Variants in CPD observed in about 807,000 individuals in gnomAD.
The protein encoded by CPD is metallocarboxypeptidase D.
A neutral mutation model predicts 138.3 loss-of-function variants in CPD; 69 were observed. That is an observed-to-expected ratio of 0.50 (90% confidence interval 0.41 to 0.61). The LOEUF (loss-of-function observed/expected upper bound fraction) is 0.61, where lower values mean the gene tolerates loss of function less well. CPD is among the 20% of genes least tolerant of loss of function. The pLI is 0.00. For missense variants in CPD, 1,432 were observed against 1,733.3 expected, an observed-to-expected ratio of 0.83 and a Z score of 3.09; for synonymous variants, 651 against 642.1, an observed-to-expected ratio of 1.01 and a Z score of -0.21.
intron 17 of CPD, among the ~76,000 whole-genome samples, chr17:30,458,714 C>T (rs901049555): frequency 2.0e-5 from 3 of 151,926 alleles, no homozygotes; most frequent in Non-Finnish European, 4.4e-5. Context: ...AAAATACAAA[C>T]ATTAGCCAGG....
chr17:30,435,329 G>A lies in CPD; in HGVS notation c.2127+3448G>A, dbSNP rs76469551. On this transcript the variant is annotated intron_variant, in intron 8 of 20. Coordinates refer to ENST00000225719, the MANE Select transcript of CPD (RefSeq NM_001304.5). Reference sequence around the variant, plus strand: ...ACATATAGATCAATGAAATAGAACTGAGAACCCAGGAATAAATTCTTATGT... The same window carrying A: ...ACATATAGATCAATGAAATAGAACTAAGAACCCAGGAATAAATTCTTATGT... Among the ~76,000 whole-genome samples, 529 of 151,740 alleles carry A rather than the reference G, an allele frequency of 3.5e-3. 5 individuals carry two copies. Among genetic ancestry groups the A allele is most frequent in the African/African-American group, 0.012 (508 of 41,444 alleles).
intron 7 of CPD, among the ~76,000 whole-genome samples, chr17:30,430,892 A>G (rs1567876990): frequency 6.6e-6 from 1 of 152,052 alleles, no homozygotes; most frequent in African/African-American, 2.4e-5. Flanking sequence ...GGCTCAAGCA[A>G]TCCACCTGCC....
intron 2 of CPD, among the ~76,000 whole-genome samples, chr17:30,405,599 C>T (rs1357797182): frequency 1.3e-5 from 2 of 152,064 alleles, no homozygotes; most frequent in East Asian, 1.9e-4. Flanking sequence ...ATTCCAAATG[C>T]TTTTGTTTCA....
intron 13 of CPD, 21 bp from the exon 14 acceptor site, chr17:30,451,690 T>C (rs1465478692): frequency 6.2e-7 from 1 of 1,610,420 alleles, no homozygotes; most frequent in Non-Finnish European, 8.5e-7. Flanking sequence ...AGTAACTCGT[T>C]AATTTCTGTT....
At chr17:30,442,598 G>A in intron 10 of CPD, 148 bp downstream of exon 10, 1 of 712,902 alleles carries the variant, frequency 1.4e-6, no homozygotes, top group East Asian at 2.8e-5. Flanking sequence ...ATATTCCAAG[G>A]TGTTTAATAT....
At chr17:30,382,580 C>T (rs1911076832) in intron 1 of CPD, among the ~76,000 whole-genome samples, 1 of 152,128 alleles carries the variant, frequency 6.6e-6, no homozygotes, top group Non-Finnish European at 1.5e-5. Flanking sequence ...TGTGTAATTA[C>T]AGTAAGGAAA....
At chr17:30,408,760 C>T (rs1040361844) in intron 2 of CPD, among the ~76,000 whole-genome samples, 8 of 152,140 alleles carry the variant, frequency 5.3e-5, no homozygotes, top group African/African-American at 1.7e-4. Flanking sequence ...CAAACAGGGA[C>T]AATTTGAGTT....
In CPD at chr17:30,422,890, T is replaced by C. The variant is rs1347599256; in HGVS notation, c.1524T>C (p.Asp508=). ...PKDFHHHHFP[D]MEIFLRRFAN... ...ACTTTCACCACCACCATTTCCCTGA[T>C]ATGGAAATCTTCTTGAGAAGGTTTG... The change falls in exon 5 of 21, where the codon GAT becomes GAC. Residue 508 remains aspartate, a synonymous_variant. Coordinates refer to ENST00000225719, the MANE Select transcript of CPD (RefSeq NM_001304.5). 2 of 1,613,844 alleles carry C rather than the reference T, an allele frequency of 1.2e-6. No homozygotes were observed. The highest frequency in any genetic ancestry group is 2.7e-5 in the African/African-American group (2 of 74,924).
Position 30,379,661 on chromosome 17 carries a change from C to A in CPD, c.681C>A (p.Gly227=). ...GCTTTCCCGACCAGTTTAGCACCGG[C>A]GAACCCCCCGCCCTGGACGAGGTGC... ...NRSFPDQFST[G]EPPALDEVPE... Residue 227 remains glycine, a synonymous_variant, in exon 1 of 21, where the codon GGC becomes GGA. Coordinates refer to ENST00000225719, the MANE Select transcript of CPD (RefSeq NM_001304.5). This position sits in a 1 kb window ranked among gnomAD's most constrained non-coding sequence, Gnocchi z 7.0. 2 of 1,524,044 alleles carry A rather than the reference C, an allele frequency of 1.3e-6. No homozygotes were observed. The highest frequency in any genetic ancestry group is 1.7e-6 in the Non-Finnish European group (2 of 1,152,166). The allele number at this position is 1,524,044 out of a possible 1,614,324, so 94.4% of individuals were successfully genotyped here.
intron 7 of CPD, among the ~76,000 whole-genome samples, chr17:30,430,611 A>T (rs1212486497): frequency 2.0e-5 from 3 of 152,134 alleles, no homozygotes; most frequent in Non-Finnish European, 4.4e-5. Flanking sequence ...TTCTATGCCC[A>T]TTGGCATTCA....
Position 30,379,116 on chromosome 17 carries a change from G to A in CPD, c.136G>A (p.Ala46Thr). Residue 46 changes from alanine (A) to threonine (T), a missense_variant, in exon 1 of 21, where the codon GCG becomes ACG. Coordinates refer to ENST00000225719, the MANE Select transcript of CPD (RefSeq NM_001304.5). This position sits in a 1 kb window ranked among gnomAD's most constrained non-coding sequence, Gnocchi z 7.0. ...KAEATTTTTS[A>T]GAEAAEGQFD... ...GGAGGCGACTACCACAACTACGAGCGCGGGCGCCGAGGCGGCCGAGGGCCA... is the reference window on the plus strand; with the variant it reads ...GGAGGCGACTACCACAACTACGAGCACGGGCGCCGAGGCGGCCGAGGGCCA... 1.3e-6 allele frequency: 2 copies of A among 1,543,964 alleles called. No homozygotes were observed. The highest frequency in any genetic ancestry group is 2.4e-5 in the South Asian group (2 of 84,552).
At chr17:30,451,960 T>G in intron 14 of CPD, 114 bp downstream of exon 14, 7 of 983,218 alleles carry the variant, frequency 7.1e-6, no homozygotes, top group East Asian at 2.7e-5. Context: ...GTCTGGGTTA[T>G]GAATGTGAGG....
chr17:30,380,365 A>AT (rs1911007692), intron 1 of CPD: 26 of 683,052 alleles, frequency 3.8e-5, no homozygotes, highest in Non-Finnish European at 4.8e-5. Flanking sequence ...ACAGAAGCTG[A>AT]TTTTTCTCCA....
rs1229286824 is a variant in CPD, at chr17:30,466,307, T to G, written c.*1493T>G. The G allele has an allele frequency of 6.5e-6, 1 of 152,766 alleles. No individual in the cohort carries two copies. The highest frequency in any genetic ancestry group is 6.5e-5 in the Admixed American group (1 of 15,298). 9.5% of individuals were successfully genotyped at this position (152,766 alleles called of 1,614,324 possible). A position where few individuals can be genotyped will look rare whatever the true frequency, so the allele number is the denominator to read the frequency against. ...TATTCTATATCCATTAATGTATCAG[T>G]TATCCCAAAGCCTTCAGGTGGAGGG... On this transcript the variant is annotated 3_prime_UTR_variant, in exon 21 of 21. Coordinates refer to ENST00000225719, the MANE Select transcript of CPD (RefSeq NM_001304.5).
intron 1 of CPD, 41 bp from the exon 2 acceptor site, chr17:30,384,948 G>T (rs1479099817): frequency 1.9e-6 from 3 of 1,586,626 alleles, no homozygotes; most frequent in African/African-American, 1.4e-5. Context: ...GGTGTTTTGT[G>T]TCCTTTTTTA....
rs138293663 is a variant in CPD at position 30,434,394 on chromosome 17, C to T, written c.2127+2513C>T. Among the ~76,000 whole-genome samples the T allele has an allele frequency of 2.5e-3, 383 of 152,180 alleles. 1 individual carries two copies. Among genetic ancestry groups the T allele is most frequent in the African/African-American group, 8.8e-3 (365 of 41,530 alleles). ...AGGTAAAACAGACCAAGAAAACTTACGGAGAAGACAGAAGTGGGTGCCAGT... is the reference window on the plus strand; with the variant it reads ...AGGTAAAACAGACCAAGAAAACTTATGGAGAAGACAGAAGTGGGTGCCAGT... On this transcript the variant is annotated intron_variant, in intron 8 of 20. Coordinates refer to ENST00000225719, the MANE Select transcript of CPD (RefSeq NM_001304.5).
intron 2 of CPD, among the ~76,000 whole-genome samples, chr17:30,400,721 G>T (rs899267523): frequency 7.3e-6 from 1 of 136,500 alleles, no homozygotes. Flanking sequence ...TGCATGGCGC[G>T]ATCTCAGCTC....
chr17:30,391,972 A>T (rs910219285), intron 2 of CPD, among the ~76,000 whole-genome samples: 3 of 152,042 alleles, frequency 2.0e-5, no homozygotes, highest in Admixed American at 1.3e-4. Flanking sequence ...TTGCCATCCG[A>T]AACATAAATA....
At chr17:30,433,182 C>T (rs1912606098) in intron 8 of CPD, among the ~76,000 whole-genome samples, 1 of 152,130 alleles carries the variant, frequency 6.6e-6, no homozygotes, top group Non-Finnish European at 1.5e-5. Context: ...AGGAGTACAG[C>T]TGTTCATTTC....
Sources: allele counts gnomAD v4.1 joint callset (sites outside exome capture counted in the v4.1 genomes callset), GRCh38; gene constraint gnomAD v4.1.1; non-coding constraint Gnocchi (gnomAD v3.1); transcripts MANE v1.5; gene names NCBI Gene and HGNC (gene_info 2026-07-23, HGNC 2026-07-21).